CEP152: variants seen among roughly 807,000 people sequenced by gnomAD.
CEP152 encodes centrosomal protein of 152 kDa.
Under a neutral mutation model 188.9 loss-of-function variants are expected in CEP152, and 132 were observed. The ratio of observed to expected loss-of-function variants is 0.70; its 90% confidence interval spans 0.61 to 0.81. The LOEUF (loss-of-function observed/expected upper bound fraction) is 0.81. Ranked by LOEUF, CEP152 falls within the 30% of genes least tolerant of loss-of-function variation. The pLI is 0.00. For synonymous variants in CEP152, 649 were observed against 666.6 expected (o/e 0.97, Z 0.41); for missense variants, 1,914 against 1,969.8 (o/e 0.97, Z 0.54).
At position 48,744,266 on chromosome 15, in the gene CEP152, T is replaced by C; in HGVS notation, c.3809A>G (p.Tyr1270Cys). Residue 1270 changes from tyrosine (Y) to cysteine (C), a missense_variant, in exon 24 of 27, where the codon TAC (tyrosine) becomes TGC (cysteine). Physicochemically the swap from Tyr to Cys is radical, Grantham distance 194. Coordinates refer to ENST00000380950, the MANE Select transcript of CEP152 (RefSeq NM_001194998.2). ...GGALEELRGQYIKAVKKIKCD... is the reference protein window; with the variant it reads ...GGALEELRGQCIKAVKKIKCD... ...TTTAATTTTTTTTACAGCTTTAATG[T>C]ACTGCCCACGAAGTTCTTCCAAGGC... 1 of 1,614,078 alleles carries C rather than the reference T, an allele frequency of 6.2e-7. No individual in the cohort carries two copies. Among genetic ancestry groups the C allele is most frequent in the East Asian group, 2.2e-5 (1 of 44,850 alleles).
At chr15:48,789,127 G>C in intron 8 of CEP152, 126 bp from the exon 9 acceptor site, 1 of 864,278 alleles carries the variant, frequency 1.2e-6, no homozygotes, top group Non-Finnish European at 1.9e-6. Flanking sequence ...GAGTAGAGAA[G>C]GGGTCTCCGC....
intron 17 of CEP152, among the ~76,000 whole-genome samples, chr15:48,763,638 C>T (rs897979739): frequency 2.0e-5 from 3 of 152,154 alleles, no homozygotes; most frequent in African/African-American, 7.2e-5. Flanking sequence ...CACACCACTG[C>T]ACTCCAGCCT....
chr15:48,801,810 G>A (rs755516877), intron 2 of CEP152, among the ~76,000 whole-genome samples: 1 of 152,080 alleles, frequency 6.6e-6, no homozygotes, highest in Non-Finnish European at 1.5e-5. Flanking sequence ...ACCTTTATCT[G>A]GGGCTGGGTG....
intron 20 of CEP152, among the ~76,000 whole-genome samples, chr15:48,754,086 T>C (rs1369214684): frequency 1.3e-5 from 2 of 152,180 alleles, no homozygotes; most frequent in East Asian, 1.9e-4. Flanking sequence ...TGAGTGAAGA[T>C]AGCTCGAAAA....
intron 21 of CEP152, among the ~76,000 whole-genome samples, chr15:48,749,082 T>G (rs1893687753): frequency 6.6e-6 from 1 of 152,106 alleles, no homozygotes; most frequent in African/African-American, 2.4e-5. Flanking sequence ...ACTAGCTGAA[T>G]CTGGGACAAT....
downstream of CEP152, among the ~76,000 whole-genome samples, chr15:48,733,880 T>C (rs139876289): frequency 2.6e-3 from 390 of 152,222 alleles, 1 homozygote; most frequent in African/African-American, 8.9e-3. Context: ...AGGAAAAAAG[T>C]CAACCGAGAA....
chr15:48,811,015 A>C lies in CEP152; in HGVS notation c.-62T>G, dbSNP rs1299518353. The C allele has an allele frequency of 6.6e-6, 1 of 152,536 alleles. No individual in the cohort carries two copies. Among genetic ancestry groups the C allele is most frequent in the Non-Finnish European group, 1.5e-5 (1 of 68,316 alleles). 9.4% of individuals were successfully genotyped at this position (152,536 alleles called of 1,614,324 possible). On this transcript the variant is annotated 5_prime_UTR_variant, in exon 1 of 27. Transcript: ENST00000380950. ...AAACTCTAGTCCTGGCGGAAGACCA[A>C]CTTCTAGCAGATCCCCTTACCCTGG...
Position 48,769,040 on chromosome 15 carries a change from C to A in CEP152, c.1824G>T (p.Trp608Cys). 6.2e-7 allele frequency: 1 copy of A among 1,605,280 alleles called. No homozygotes were observed. The highest frequency in any genetic ancestry group is 8.5e-7 in the Non-Finnish European group (1 of 1,172,642). Reference protein sequence around the residue: ...DTSEKPKNQLWPESSTSDVVR... With the variant: ...DTSEKPKNQLCPESSTSDVVR... ...CAACATCAGAAGTAGAAGACTCAGG[C>A]CATAATTGATTCTTTGGTTTTTCTG... Residue 608 changes from tryptophan to cysteine, a missense_variant, in exon 14 of 27, where the codon TGG (tryptophan) becomes TGT (cysteine). Coordinates refer to ENST00000380950, the MANE Select transcript of CEP152 (RefSeq NM_001194998.2).
chr15:48,738,553 T>C lies in CEP152; in HGVS notation c.4829A>G (p.Gln1610Arg). ...TGAAAGATAACCGGATGGTGAAAAC[T>C]GTTTGGATTTAACAGATTCACTTGG... The part of the protein sequence containing the change: ...EIPSESVKSK[Q>R]FSPSGYLSDT... Residue 1610 changes from glutamine (Q) to arginine (R), a missense_variant, in exon 27 of 27, where the codon CAG becomes CGG. Physicochemically the swap from Gln to Arg is conservative, Grantham distance 43. Coordinates refer to ENST00000380950, the MANE Select transcript of CEP152 (RefSeq NM_001194998.2). 6.2e-7 allele frequency: 1 copy of C among 1,614,218 alleles called. No individual in the cohort carries two copies. The highest frequency in any genetic ancestry group is 8.5e-7 in the Non-Finnish European group (1 of 1,180,020).
At chr15:48,797,632 C>T (rs2140907663) in intron 4 of CEP152, 29 bp downstream of exon 4, 2 of 1,614,046 alleles carry the variant, frequency 1.2e-6, no homozygotes, top group East Asian at 4.5e-5. Flanking sequence ...CCCACCCTCA[C>T]CAAAGTCATC....
chr15:48,730,755 C>T (rs927708482), intron 2 of CEP152, among the ~76,000 whole-genome samples: 2 of 152,030 alleles, frequency 1.3e-5, no homozygotes, highest in African/African-American at 4.8e-5. Flanking sequence ...ACTAGAAATG[C>T]AAATTAAAAC....
intron 9 of CEP152, among the ~76,000 whole-genome samples, chr15:48,787,698 C>T (rs1474768493): frequency 6.6e-6 from 1 of 152,042 alleles, no homozygotes; most frequent in East Asian, 1.9e-4. Flanking sequence ...CCCAAATCAG[C>T]ATGAATTTTA....
chr15:48,749,863 T>C (rs946266533), intron 21 of CEP152, among the ~76,000 whole-genome samples: 4 of 151,998 alleles, frequency 2.6e-5, no homozygotes, highest in African/African-American at 9.7e-5. Context: ...TAAGACATTA[T>C]TGGGTCAATT....
chr15:48,797,406 G>A lies in CEP152; in HGVS notation c.435C>T (p.His145=). 3.1e-6 allele frequency: 5 copies of A among 1,614,092 alleles called. No individual in the cohort carries two copies. The highest frequency in any genetic ancestry group is 4.2e-6 in the Non-Finnish European group (5 of 1,179,962). Residue 145 remains histidine (H), a synonymous_variant, in exon 5 of 27, where the codon CAC becomes CAT. Transcript: ENST00000380950. ...PSKCEQTDLY[H]LPENFRPYTN... ...TATATGGCCTAAAGTTTTCAGGAAG[G>A]TGATATAAATCAGTCTGTTCACATT...
chr15:48,795,183 G>A (rs1897221351), intron 6 of CEP152, among the ~76,000 whole-genome samples: 1 of 151,964 alleles, frequency 6.6e-6, no homozygotes, highest in Non-Finnish European at 1.5e-5. Context: ...TTATATTTTG[G>A]GATTTTTGTT....
intron 14 of CEP152, 103 bp from the exon 15 acceptor site, chr15:48,768,431 C>T: frequency 2.9e-6 from 2 of 678,410 alleles, no homozygotes; most frequent in Non-Finnish European, 5.1e-6. Context: ...TCTCTCTCCC[C>T]TATAACAATA....
At chr15:48,745,061 C>T (rs1893306028) in intron 22 of CEP152, 69 bp from the exon 23 acceptor site, 1 of 1,105,962 alleles carries the variant, frequency 9.0e-7, no homozygotes, top group Admixed American at 2.6e-5. Flanking sequence ...CCTTAAGTTC[C>T]CAATACAAAT....
intron 22 of CEP152, among the ~76,000 whole-genome samples, chr15:48,746,979 G>A (rs1236259812): frequency 6.6e-6 from 1 of 152,208 alleles, no homozygotes; most frequent in East Asian, 1.9e-4. Context: ...TCTACTGAGA[G>A]AAATTAAGAG....
intron 19 of CEP152, 76 bp from the exon 20 acceptor site, chr15:48,756,629 T>G: frequency 7.2e-7 from 1 of 1,380,422 alleles, no homozygotes; most frequent in South Asian, 1.2e-5. Flanking sequence ...GGTAACTATT[T>G]TGGTTAACCT....
Sources: gnomAD v4.1 joint callset for allele counts (sites outside exome capture counted in the v4.1 genomes callset) on GRCh38, gnomAD v4.1.1 for gene constraint, MANE v1.5 for transcripts, NCBI Gene and HGNC (gene_info 2026-07-23, HGNC 2026-07-21) for gene names.